The following DPP10 variants were observed in gnomAD, a reference collection of about 807,000 sequenced individuals.
DPP10 encodes the protein dipeptidyl peptidase like 10.
In DPP10, 33 loss-of-function variants were observed where a neutral mutation model predicts 120.9. The ratio of observed to expected loss-of-function variants is 0.27; its 90% CI spans 0.21 to 0.37. The LOEUF (loss-of-function observed/expected upper bound fraction) is 0.37. DPP10 is among the 10% of genes least tolerant of loss of function. The pLI, the probability that DPP10 is intolerant of heterozygous loss-of-function variation, is 1.00. For synonymous variants in DPP10, 337 were observed against 326.1 expected, an observed-to-expected ratio of 1.03 and a Z score of -0.36; for missense variants, 816 against 942.8, an observed-to-expected ratio of 0.87 and a Z score of 1.76.
chr2:115,707,678 T>C (rs1018965416), intron 7 of DPP10, among the ~76,000 whole-genome samples: 3 of 151,718 alleles, frequency 2.0e-5, no homozygotes, highest in Middle Eastern at 6.8e-3. Context: ...ACTAGTAAAA[T>C]AAACTATGGT....
chr2:114,976,109 A>T (rs997938494), intron 1 of DPP10, among the ~76,000 whole-genome samples: 2 of 152,222 alleles, frequency 1.3e-5, no homozygotes, highest in Admixed American at 1.3e-4. Flanking sequence ...AATTTTTTAA[A>T]TGCTCAACAA....
intron 1 of DPP10, among the ~76,000 whole-genome samples, chr2:115,111,548 G>A (rs994234062): frequency 6.6e-6 from 1 of 152,146 alleles, no homozygotes; most frequent in Non-Finnish European, 1.5e-5. Flanking sequence ...GAGTAGGCAT[G>A]GGGTGTAGGT....
chr2:114,958,993 C>T (rs1482030161), intron 1 of DPP10, among the ~76,000 whole-genome samples: 1 of 152,172 alleles, frequency 6.6e-6, no homozygotes, highest in African/African-American at 2.4e-5. Flanking sequence ...GAGATTCTCT[C>T]AGACTTTTAC....
intron 1 of DPP10, among the ~76,000 whole-genome samples, chr2:115,004,995 T>C (rs1340454588): frequency 2.0e-5 from 3 of 151,800 alleles, no homozygotes; most frequent in African/African-American, 7.3e-5. Flanking sequence ...AGAGCAGTGG[T>C]TCTCCCAGTA....
chr2:114,588,000 G>T (rs530949461), intron 1 of DPP10, among the ~76,000 whole-genome samples: 1 of 152,330 alleles, frequency 6.6e-6, no homozygotes, highest in African/African-American at 2.4e-5. Context: ...ATGCTTTTAA[G>T]TAATGCCTCT....
At chr2:115,460,284 A>C (rs952740422) in intron 3 of DPP10, among the ~76,000 whole-genome samples, 16 of 152,052 alleles carry the variant, frequency 1.1e-4, no homozygotes, top group African/African-American at 3.6e-4. Flanking sequence ...TGCAAATATA[A>C]AACCTTTCTT....
intron 19 of DPP10, among the ~76,000 whole-genome samples, chr2:115,802,658 A>G (rs1343829276): frequency 6.6e-6 from 1 of 152,170 alleles, no homozygotes; most frequent in Non-Finnish European, 1.5e-5. Flanking sequence ...TTCAAGGAAC[A>G]TCTTTATTTC....
intron 1 of DPP10, among the ~76,000 whole-genome samples, chr2:115,268,258 A>G (rs768144726): frequency 1.3e-5 from 2 of 152,064 alleles, no homozygotes; most frequent in African/African-American, 2.4e-5. Flanking sequence ...GGTGGGCAGT[A>G]ATAGCTGCAG....
At chr2:114,857,141 C>A (rs1216937655) in intron 1 of DPP10, among the ~76,000 whole-genome samples, 4 of 152,130 alleles carry the variant, frequency 2.6e-5, no homozygotes, top group African/African-American at 9.7e-5. Flanking sequence ...ATCATTTTTC[C>A]TTCCCGGCCT....
At chr2:114,532,515 C>T (rs1686112424) in intron 1 of DPP10, among the ~76,000 whole-genome samples, 1 of 151,724 alleles carries the variant, frequency 6.6e-6, no homozygotes, top group Non-Finnish European at 1.5e-5. Flanking sequence ...TAGAATATGG[C>T]CAGTGTCTTA....
intron 5 of DPP10, among the ~76,000 whole-genome samples, chr2:115,622,510 C>CTTTTTTTTTTTTTTTTTTTTTTTT (rs70941082): frequency 1.7e-5 from 2 of 117,448 alleles, no homozygotes; most frequent in Non-Finnish European, 3.4e-5. Flanking sequence ...ATTTTATTGT[C>CTTTTTTTTTTTTTTTTTTTTTTTT]TTTTTTTTTT....
At chr2:115,524,240 G>A (rs1464382619) in intron 4 of DPP10, among the ~76,000 whole-genome samples, 1 of 152,038 alleles carries the variant, frequency 6.6e-6, no homozygotes, top group East Asian at 1.9e-4. Context: ...CCAGTCCCTG[G>A]TCCCAATGGT....
intron 1 of DPP10, among the ~76,000 whole-genome samples, chr2:114,800,651 G>A (rs767842153): frequency 6.9e-4 from 105 of 152,292 alleles, no homozygotes; most frequent in African/African-American, 2.3e-3. Context: ...TGTGCATTTT[G>A]CCAGCCTGAT....
chr2:115,698,001 TA>T (rs1417109014), intron 7 of DPP10, among the ~76,000 whole-genome samples: 1 of 151,718 alleles, frequency 6.6e-6, no homozygotes, highest in Non-Finnish European at 1.5e-5. Context: ...AATAAACAAA[TA>T]AAAAACACAA....
At chr2:115,007,014 C>T (rs1701899425) in intron 1 of DPP10, among the ~76,000 whole-genome samples, 2 of 151,976 alleles carry the variant, frequency 1.3e-5, no homozygotes, top group Non-Finnish European at 2.9e-5. Context: ...TTATAACAAA[C>T]TATCTCTCAG....
chr2:114,461,883 G>C (rs1031331619), intron 1 of DPP10: 13 of 985,342 alleles, frequency 1.3e-5, no homozygotes, highest in Non-Finnish European at 1.6e-5. Context: ...AAAGAGACAG[G>C]TGGAGAGAGG....
chr2:115,534,390 T>A (rs1314540835), intron 5 of DPP10, among the ~76,000 whole-genome samples: 3 of 151,456 alleles, frequency 2.0e-5, no homozygotes, highest in Non-Finnish European at 4.4e-5. Context: ...GATAGTTTAC[T>A]GAGAATGATG....
At chr2:115,186,160 CT>C (rs752475460) in intron 1 of DPP10, among the ~76,000 whole-genome samples, 13 of 152,212 alleles carry the variant, frequency 8.5e-5, no homozygotes, top group Non-Finnish European at 1.6e-4. Flanking sequence ...ACTCTCATCA[CT>C]GCGGAGCTCC....
chr2:115,095,077 C>G (rs919385496), intron 1 of DPP10, among the ~76,000 whole-genome samples: 9 of 152,048 alleles, frequency 5.9e-5, no homozygotes, highest in South Asian at 2.1e-4. Flanking sequence ...CTCCATGATG[C>G]AAATTTACAT....
Sources: gnomAD v4.1 joint callset for allele counts (sites outside exome capture counted in the v4.1 genomes callset) on GRCh38, gnomAD v4.1.1 for gene constraint, MANE v1.5 for transcripts, NCBI Gene and HGNC (gene_info 2026-07-23, HGNC 2026-07-21) for gene names.